The following ZMIZ1 variants were observed in gnomAD, a reference collection of about 807,000 sequenced individuals.
ZMIZ1 encodes zinc finger MIZ domain-containing protein 1.
In ZMIZ1, 17 loss-of-function variants were observed where a neutral mutation model predicts 113.9. That is an observed-to-expected ratio of 0.15 (90% CI 0.10 to 0.22). The LOEUF is 0.22. Among genes scored for constraint, ZMIZ1 ranks in the 10% least tolerant of loss-of-function variants. The pLI is 1.00. For synonymous variants in ZMIZ1, 607 were observed against 603.1 expected (o/e 1.01, Z -0.09); for missense variants, 1,059 against 1,477.8 (o/e 0.72, Z 4.65).
intron 3 of ZMIZ1, among the ~76,000 whole-genome samples, chr10:79,158,925 A>G (rs1312797704): frequency 6.6e-6 from 1 of 152,022 alleles, no homozygotes; most frequent in Admixed American, 6.5e-5. Context: ...CTCCCCCGGG[A>G]GCTTCAGATG....
chr10:79,179,754 A>C (rs185047975), intron 4 of ZMIZ1, among the ~76,000 whole-genome samples: 79 of 152,390 alleles, frequency 5.2e-4, no homozygotes, highest in African/African-American at 1.8e-3. Flanking sequence ...CATTGGCTTC[A>C]TTATCCCTGG....
At chr10:79,178,022 G>T (rs753410113) in intron 4 of ZMIZ1, among the ~76,000 whole-genome samples, 2 of 152,116 alleles carry the variant, frequency 1.3e-5, no homozygotes, top group Non-Finnish European at 2.9e-5. Context: ...GTCTTAGGAG[G>T]GGCCAGGGCA....
chr10:79,087,333 G>A (rs2132211732), intron 1 of ZMIZ1, among the ~76,000 whole-genome samples: 1 of 151,688 alleles, frequency 6.6e-6, no homozygotes, highest in African/African-American at 2.4e-5. Context: ...GGCTGACATT[G>A]TCCCATGGTC....
chr10:79,279,928 G>A (rs895975831), intron 8 of ZMIZ1, among the ~76,000 whole-genome samples: 2 of 152,174 alleles, frequency 1.3e-5, no homozygotes, highest in Admixed American at 1.3e-4. Flanking sequence ...TCCAGCCTCG[G>A]CTAGGTATCA....
rs563694559 is a variant in ZMIZ1 at position 79,278,588 on chromosome 10, C to T, written c.425+1263C>T. Among the ~76,000 whole-genome samples, 730 of 145,350 alleles carry T rather than the reference C, an allele frequency of 5.0e-3. 2 individuals carry two copies. The highest frequency in any genetic ancestry group is 0.015 in the Middle Eastern group (4 of 274). On this transcript the variant is annotated intron_variant, in intron 8 of 24. Transcript: ENST00000334512. ...TTCCTAGGCAGAGGGTCCTGCCGCC[C>T]TCCGCAGTGTTTGTGTCCCTGGGTA...
chr10:79,256,291 C>G (rs939661060), intron 7 of ZMIZ1, among the ~76,000 whole-genome samples: 1 of 152,198 alleles, frequency 6.6e-6, no homozygotes, highest in Non-Finnish European at 1.5e-5. Flanking sequence ...TTCTCCATTC[C>G]CATCTCACCT....
intron 7 of ZMIZ1, among the ~76,000 whole-genome samples, chr10:79,240,050 C>T (rs1354103143): frequency 1.3e-5 from 2 of 152,206 alleles, no homozygotes; most frequent in African/African-American, 2.4e-5. Flanking sequence ...GGCTCCTCCT[C>T]GCCAGGGCCC....
intron 8 of ZMIZ1, among the ~76,000 whole-genome samples, chr10:79,286,365 G>T (rs1026876328): frequency 6.6e-6 from 1 of 152,262 alleles, no homozygotes; most frequent in African/African-American, 2.4e-5. Flanking sequence ...CAGGGCTGCT[G>T]TGGGGGCCTG....
intron 3 of ZMIZ1, among the ~76,000 whole-genome samples, chr10:79,159,579 G>A (rs1286525747): frequency 3.3e-5 from 5 of 152,244 alleles, no homozygotes; most frequent in Non-Finnish European, 5.9e-5. Flanking sequence ...ACCTCAGGAG[G>A]TTATAGAACC....
intron 1 of ZMIZ1, among the ~76,000 whole-genome samples, chr10:79,095,861 G>C (rs1390569860): frequency 6.6e-6 from 1 of 152,210 alleles, no homozygotes; most frequent in African/African-American, 2.4e-5. Flanking sequence ...TCAGTTTGAA[G>C]CACCAGCAGA....
chr10:79,109,283 CAT>C (rs1206559642), intron 1 of ZMIZ1, among the ~76,000 whole-genome samples: 62 of 152,332 alleles, frequency 4.1e-4, no homozygotes, highest in African/African-American at 1.2e-3. Context: ...TGTGTGCACA[CAT>C]GTGTGGGCAT....
chr10:79,290,001 AC>A, intron 9 of ZMIZ1, 112 bp downstream of exon 9: 3 of 1,101,838 alleles, frequency 2.7e-6, no homozygotes, highest in Non-Finnish European at 3.9e-6. Context: ...TGCTGGAAAG[AC>A]CAGCTTCCAG....
intron 1 of ZMIZ1, among the ~76,000 whole-genome samples, chr10:79,081,363 G>A (rs1428830760): frequency 1.3e-5 from 2 of 152,174 alleles, no homozygotes; most frequent in Non-Finnish European, 2.9e-5. Flanking sequence ...GGGCAGCTTG[G>A]AGACCTGAGA....
intron 7 of ZMIZ1, among the ~76,000 whole-genome samples, chr10:79,274,424 C>CTA (rs1289482229): frequency 6.6e-6 from 1 of 152,222 alleles, no homozygotes; most frequent in East Asian, 1.9e-4. Context: ...TGGTGTCACT[C>CTA]TGTCTGTCCT....
chr10:79,208,952 T>C (rs1364012271), intron 6 of ZMIZ1, among the ~76,000 whole-genome samples: 1 of 152,142 alleles, frequency 6.6e-6, no homozygotes, highest in Non-Finnish European at 1.5e-5. Flanking sequence ...CCAGGGAAAC[T>C]GAAGATGAAT....
chr10:79,279,688 G>A (rs1176432459), intron 8 of ZMIZ1, among the ~76,000 whole-genome samples: 1 of 152,238 alleles, frequency 6.6e-6, no homozygotes, highest in African/African-American at 2.4e-5. Context: ...AGCACTGAGT[G>A]AGCGAGACTC....
At chr10:79,185,622 G>T (rs1169824393) in intron 4 of ZMIZ1, among the ~76,000 whole-genome samples, 1 of 152,048 alleles carries the variant, frequency 6.6e-6, no homozygotes, top group African/African-American at 2.4e-5. Context: ...CACAGCCTTT[G>T]TATCTTCTCC....
rs944718398 is a variant in ZMIZ1, at chr10:79,269,475, A to G, written c.281-7706A>G. 3.5e-5 allele frequency among the ~76,000 whole-genome samples: 5 copies of G among 142,716 alleles called. No individual in the cohort carries two copies. In the Admixed American group the frequency reaches 3.6e-4, roughly 10 times the overall value. 93.6% of individuals were successfully genotyped at this position (142,716 alleles called of 152,430 possible). Reference sequence around the variant, plus strand: ...CCCCCCAACACACACACACACACACACACACACACACACACTTTCTCTGTT... The same window carrying G: ...CCCCCCAACACACACACACACACACGCACACACACACACACTTTCTCTGTT... On this transcript the variant is annotated intron_variant, in intron 7 of 24. Transcript: ENST00000334512.
chr10:79,206,544 C>G (rs1245896615), intron 5 of ZMIZ1, among the ~76,000 whole-genome samples: 1 of 152,218 alleles, frequency 6.6e-6, no homozygotes, highest in Non-Finnish European at 1.5e-5. Flanking sequence ...GGTGAGGACC[C>G]GCCGCTGCCC....
Sources: allele counts gnomAD v4.1 joint callset (sites outside exome capture counted in the v4.1 genomes callset), GRCh38; gene constraint gnomAD v4.1.1; transcripts MANE v1.5; gene names NCBI Gene and HGNC (gene_info 2026-07-23, HGNC 2026-07-21).